Variants in SLC4A10 observed in about 807,000 individuals in gnomAD.
SLC4A10 encodes solute carrier family 4 member 10, also known as sodium-driven chloride bicarbonate exchanger.
SLC4A10 carries 42 observed loss-of-function variants against 137.7 expected under a neutral mutation model. That is an observed-to-expected ratio of 0.30 (90% CI 0.24 to 0.39). The LOEUF (loss-of-function observed/expected upper bound fraction) is 0.39. Among genes scored for constraint, SLC4A10 ranks in the 10% least tolerant of loss-of-function variants. The probability of loss-of-function intolerance (pLI) is 1.00; values close to 1 mark genes in which losing one functional copy is unlikely to be tolerated. For missense variants in SLC4A10, 925 were observed against 1,355.0 expected (o/e 0.68, Z 4.98); for synonymous variants, 474 against 464.1 (o/e 1.02, Z -0.27).
intron 3 of SLC4A10, among the ~76,000 whole-genome samples, chr2:161,838,387 A>T (rs2058954094): frequency 1.3e-5 from 2 of 152,186 alleles, no homozygotes; most frequent in African/African-American, 4.8e-5. Flanking sequence ...TTTAGAAGAA[A>T]ACATAAAAGA....
chr2:161,905,999 A>G (rs1252209166), intron 15 of SLC4A10, 112 bp downstream of exon 15: 10 of 1,350,336 alleles, frequency 7.4e-6, no homozygotes, highest in Non-Finnish European at 9.9e-6. Context: ...AAGTTGATTC[A>G]TGACCTAAAT....
chr2:161,701,810 AATGT>A (rs2043147186), intron 1 of SLC4A10, among the ~76,000 whole-genome samples: 3 of 151,844 alleles, frequency 2.0e-5, no homozygotes, highest in African/African-American at 7.2e-5. Context: ...CCCACATATG[AATGT>A]GAAATCATCA....
chr2:161,665,220 T>A (rs79805382), intron 1 of SLC4A10, among the ~76,000 whole-genome samples: 1 of 151,790 alleles, frequency 6.6e-6, no homozygotes, highest in African/African-American at 2.4e-5. Flanking sequence ...GCACTTTAAC[T>A]TTTCAAAAGA....
chr2:161,782,190 T>C (rs1170586435), intron 2 of SLC4A10, among the ~76,000 whole-genome samples: 1 of 152,032 alleles, frequency 6.6e-6, no homozygotes, highest in Non-Finnish European at 1.5e-5. Context: ...ACATTAAACT[T>C]TCTGGGGGTT....
intron 4 of SLC4A10, among the ~76,000 whole-genome samples, chr2:161,854,144 G>A (rs932952549): frequency 2.0e-5 from 3 of 152,114 alleles, no homozygotes; most frequent in Admixed American, 2.0e-4. Context: ...TTTAGGCTAA[G>A]GTTCATTAGA....
At chr2:161,868,779 A>G (rs2060927261) in intron 6 of SLC4A10, among the ~76,000 whole-genome samples, 1 of 151,684 alleles carries the variant, frequency 6.6e-6, no homozygotes, top group African/African-American at 2.4e-5. Flanking sequence ...ATAGTCACAG[A>G]TACCAGTTAA....
chr2:161,901,389 A>C (rs1479065092), intron 12 of SLC4A10, among the ~76,000 whole-genome samples: 1 of 152,188 alleles, frequency 6.6e-6, no homozygotes, highest in East Asian at 1.9e-4. Context: ...CTATCTCATT[A>C]AATGCAAGTA....
intron 16 of SLC4A10, among the ~76,000 whole-genome samples, chr2:161,945,224 A>G (rs1281840461): frequency 3.0e-5 from 3 of 98,808 alleles, no homozygotes; most frequent in African/African-American, 7.1e-5. Context: ...ATATATATAT[A>G]TATATATATA....
chr2:161,839,694 A>C, intron 3 of SLC4A10, 95 bp from the exon 4 acceptor site: 1 of 1,412,974 alleles, frequency 7.1e-7, no homozygotes, highest in Non-Finnish European at 9.7e-7. Flanking sequence ...GGGTGGTGCG[A>C]GCTTGGGGTG....
chr2:161,945,809 G>GT lies in SLC4A10; in HGVS notation c.2104-1756dup. Among the ~76,000 whole-genome samples the GT allele has an allele frequency of 2.0e-5, 3 of 151,994 alleles. No homozygotes were observed. In the Middle Eastern group the frequency reaches 0.01, roughly 517 times the overall value. ...GCAGACCATTGGCAAATTATAGAGT[G>GT]TAAGACAGCTAAGGAACCCTTTAAA... On this transcript the variant is annotated intron_variant, in intron 16 of 26. Coordinates refer to ENST00000446997, the MANE Select transcript of SLC4A10 (RefSeq NM_001178015.2).
At chr2:161,645,689 G>A (rs1007186351) in intron 1 of SLC4A10, among the ~76,000 whole-genome samples, 1 of 151,932 alleles carries the variant, frequency 6.6e-6, no homozygotes, top group African/African-American at 2.4e-5. Context: ...AATAAGCTAA[G>A]ACTTTTTAAA....
At chr2:161,644,694 C>T (rs1267171302) in intron 1 of SLC4A10, among the ~76,000 whole-genome samples, 1 of 152,112 alleles carries the variant, frequency 6.6e-6, no homozygotes, top group African/African-American at 2.4e-5. Flanking sequence ...ACCAAACTAT[C>T]CCTTATTTAA....
At chr2:161,691,826 T>A (rs1407594059) in intron 1 of SLC4A10, among the ~76,000 whole-genome samples, 2 of 152,108 alleles carry the variant, frequency 1.3e-5, no homozygotes, top group East Asian at 3.9e-4. Flanking sequence ...TAGAAATCCA[T>A]TCTCTTGAGG....
intron 18 of SLC4A10, among the ~76,000 whole-genome samples, chr2:161,949,799 GTTTCATA>G (rs1291077909): frequency 6.6e-6 from 1 of 151,574 alleles, no homozygotes; most frequent in Non-Finnish European, 1.5e-5. Flanking sequence ...CAAAATTTAT[GTTTCATA>G]TATACCTTAT....
intron 1 of SLC4A10, among the ~76,000 whole-genome samples, chr2:161,765,568 T>A (rs1281997356): frequency 1.4e-5 from 2 of 146,426 alleles, no homozygotes; most frequent in Non-Finnish European, 3.0e-5. Context: ...TGAGCTGAGA[T>A]CATGCCACTG....
intron 10 of SLC4A10, among the ~76,000 whole-genome samples, chr2:161,890,039 T>A (rs1289946186): frequency 6.6e-6 from 1 of 152,220 alleles, no homozygotes; most frequent in Non-Finnish European, 1.5e-5. Context: ...TTTAATTTCG[T>A]TATTTACCCA....
intron 15 of SLC4A10, among the ~76,000 whole-genome samples, chr2:161,923,836 G>GA (rs910493539): frequency 6.0e-5 from 9 of 149,864 alleles, no homozygotes; most frequent in South Asian, 2.1e-4. Context: ...ATAAAAAAAA[G>GA]AAAAAAAAAT....
intron 4 of SLC4A10, among the ~76,000 whole-genome samples, chr2:161,852,820 T>C (rs904603743): frequency 6.6e-6 from 1 of 152,152 alleles, no homozygotes; most frequent in African/African-American, 2.4e-5. Flanking sequence ...GGCTAGGTGA[T>C]CTTTGGAAAA....
At chr2:161,974,491 G>T (rs372050059) in intron 24 of SLC4A10, among the ~76,000 whole-genome samples, 175 bp downstream of exon 24, 1 of 152,056 alleles carries the variant, frequency 6.6e-6, no homozygotes, top group East Asian at 1.9e-4. Context: ...AATAATAGCC[G>T]TGTGACTATA....
Sources: allele counts gnomAD v4.1 joint callset (sites outside exome capture counted in the v4.1 genomes callset), GRCh38; gene constraint gnomAD v4.1.1; transcripts MANE v1.5; gene names NCBI Gene and HGNC (gene_info 2026-07-23, HGNC 2026-07-21).